Variants in ALKBH2 observed in about 807,000 individuals in gnomAD.
The protein encoded by ALKBH2 is alkB homolog 2, alpha-ketoglutarate dependent dioxygenase, also known as DNA oxidative demethylase ALKBH2.
In ALKBH2, 19 loss-of-function variants were observed where a neutral mutation model predicts 19.7. That is an observed-to-expected ratio of 0.97 (90% CI 0.67 to 1.42). ALKBH2 has a LOEUF of 1.42. Among genes scored for constraint, ALKBH2 ranks in the 40% most tolerant of loss-of-function variants. The pLI is 0.00. For missense variants in ALKBH2, 310 were observed against 328.5 expected (o/e 0.94, Z 0.43); for synonymous variants, 135 against 131.2 (o/e 1.03, Z -0.20).
chr12:109,089,211 A>G (rs180966408), intron 3 of ALKBH2, among the ~76,000 whole-genome samples: 26 of 152,334 alleles, frequency 1.7e-4, no homozygotes, highest in Admixed American at 1.2e-3. Context: ...GCCATCCTGC[A>G]GCATTTTTGC....
intron 2 of ALKBH2, 146 bp from the exon 3 acceptor site, chr12:109,090,353 G>A (rs2042043446): frequency 1.5e-6 from 1 of 687,474 alleles, no homozygotes; most frequent in East Asian, 2.7e-5. Flanking sequence ...GGGAAGTAAG[G>A]AATAACATTT....
Position 109,088,564 on chromosome 12 carries a change from C to CG in ALKBH2, c.480-53_480-52insC. On this transcript the variant is annotated intron_variant, in intron 3 of 3. Transcript: ENST00000429722. This position sits in a 1 kb window ranked among gnomAD's most constrained non-coding sequence, Gnocchi z 4.2. The stretch of plus-strand genomic sequence containing the variant: ...ATAAAAACAACCCTCTCCTGAAACT[C>CG]ACCAGCACCGCCAGCCCTCGTTTTC... The CG allele has an allele frequency of 6.7e-7, 1 of 1,502,796 alleles. No homozygotes were observed. The allele number at this position is 1,502,796 out of a possible 1,614,324, so 93.1% of individuals were successfully genotyped here.
At position 109,090,158 on chromosome 12, in the gene ALKBH2, C is replaced by T; in HGVS notation, c.330G>A (p.Arg110=). Residue 110 remains arginine, a synonymous_variant, in exon 3 of 4, where the codon AGG becomes AGA. Transcript: ENST00000429722. The part of the protein sequence containing the change: ...QVFGKWHSVP[R]KQATYGDAGL... ...CAGCGTCGCCATACGTTGCCTGCTT[C>T]CTGGGCACACTGTGCCACTTCCCGA... The T allele has an allele frequency of 6.2e-7, 1 of 1,614,142 alleles. No individual in the cohort carries two copies. Among genetic ancestry groups the T allele is most frequent in the Non-Finnish European group, 8.5e-7 (1 of 1,180,042 alleles).
At chr12:109,090,536 TC>T (rs1159027695) in intron 2 of ALKBH2, among the ~76,000 whole-genome samples, 1 of 152,110 alleles carries the variant, frequency 6.6e-6, no homozygotes, top group Non-Finnish European at 1.5e-5. Flanking sequence ...CCAGCAATCC[TC>T]CCGCATCAGC....
Position 109,090,091 on chromosome 12 carries a change from G to A in ALKBH2, c.397C>T (p.Pro133Ser), listed in dbSNP as rs1215498639. 1 of 1,614,190 alleles carries A rather than the reference G, an allele frequency of 6.2e-7. No homozygotes were observed. The highest frequency in any genetic ancestry group is 1.1e-5 in the South Asian group (1 of 91,084). The change falls in exon 3 of 4, where the codon CCC (proline) becomes TCC (serine). Residue 133 changes from proline to serine, a missense_variant. Pro to Ser is a moderately conservative substitution (Grantham distance 74). Transcript: ENST00000429722. ...TFSGLTLSPK[P>S]WIPVLERIRD... is the part of the protein sequence containing the mutation. ...ATGCGCTCTAGAACTGGGATCCAGGGCTTTGGAGACAGCGTGAGGCCTGAA... is the reference window on the plus strand; with the variant it reads ...ATGCGCTCTAGAACTGGGATCCAGGACTTTGGAGACAGCGTGAGGCCTGAA...
intron 2 of ALKBH2, among the ~76,000 whole-genome samples, chr12:109,091,620 C>G (rs1398510613): frequency 2.6e-5 from 4 of 152,176 alleles, no homozygotes. Context: ...TCACTGCAAC[C>G]TCTGCCTCCC....
In ALKBH2 at chr12:109,092,743, C is replaced by T; in HGVS notation, c.44G>A (p.Arg15Lys). 6.2e-7 allele frequency: 1 copy of T among 1,614,040 alleles called. No homozygotes were observed. Residue 15 changes from arginine to lysine, a missense_variant, in exon 2 of 4, where the codon AGG (arginine) becomes AAG (lysine). Arg to Lys is a conservative substitution (Grantham distance 26, BLOSUM62 2). Transcript: ENST00000429722. ...LVKGAQGGLL[R>K]KQEEQEPTGE... Reference sequence around the variant, plus strand: ...AGTTGGCTCTTGCTCCTCCTGCTTCCTCAAAAGGCCCCCTTGAGCCCCTTT... The same window carrying T: ...AGTTGGCTCTTGCTCCTCCTGCTTCTTCAAAAGGCCCCCTTGAGCCCCTTT...
rs758430336 is a variant in ALKBH2 at position 109,092,487 on chromosome 12, A to ACG, written c.280+19_280+20insCG. 2.6e-6 allele frequency: 4 copies of ACG among 1,545,878 alleles called. No homozygotes were observed. In the South Asian group the frequency reaches 5.0e-5, roughly 19 times the overall value. On this transcript the variant is annotated intron_variant, in intron 2 of 3. Transcript: ENST00000429722. Reference sequence around the variant, plus strand: ...AAGCCCTCAATGCACACACACACACACACACACCCCTCTGCTTACCTGTAA... The same window carrying ACG: ...AAGCCCTCAATGCACACACACACACACGCACACACCCCTCTGCTTACCTGTAA...
At chr12:109,090,309 C>T (rs1396835016) in intron 2 of ALKBH2, 102 bp from the exon 3 acceptor site, 2 of 913,390 alleles carry the variant, frequency 2.2e-6, no homozygotes, top group Non-Finnish European at 3.5e-6. Context: ...TCCAGTGCCC[C>T]ACATACATGC....
intron 2 of ALKBH2, among the ~76,000 whole-genome samples, chr12:109,090,413 T>C (rs1410848477): frequency 1.4e-4 from 22 of 152,192 alleles, no homozygotes; most frequent in Admixed American, 1.4e-3. Flanking sequence ...CATTTTGGCT[T>C]GCCCCAAATT....
intron 2 of ALKBH2, 177 bp downstream of exon 2, chr12:109,092,330 T>A (rs1325874682): frequency 1.0e-6 from 1 of 964,060 alleles, no homozygotes; most frequent in East Asian, 3.2e-5. Context: ...CAAGTTTATG[T>A]CCCAAGCACC....
chr12:109,092,523 T>G lies in ALKBH2; in HGVS notation c.264A>C (p.Glu88Asp). 1 of 1,587,960 alleles carries G rather than the reference T, an allele frequency of 6.3e-7. No individual in the cohort carries two copies. Among genetic ancestry groups the G allele is most frequent in the East Asian group, 2.2e-5 (1 of 44,576 alleles). Residue 88 changes from glutamate to aspartate, a missense_variant, in exon 2 of 4, where the codon GAA becomes GAC. Physicochemically the swap from Glu to Asp is conservative, Grantham distance 45. Transcript: ENST00000429722. ...ADEIFQELEK[E>D]VEYFTGALAR... ...TCTGCTTACCTGTAAAATATTCTACTTCTTTCTCCAACTCTTGGAAAATCT... is the reference window on the plus strand; with the variant it reads ...TCTGCTTACCTGTAAAATATTCTACGTCTTTCTCCAACTCTTGGAAAATCT...
chr12:109,088,356 C>T lies in ALKBH2; in HGVS notation c.636G>A (p.Ala212=), dbSNP rs760684880. ...CGTGGGCCAGCGGCAGCCTGACCAC[C>T]GCCACCCTCCTGGAGGGGCTTTTCC... ...SRGKSPSRRV[A]VVRLPLAHGS... Residue 212 remains alanine (A), a synonymous_variant, in exon 4 of 4, where the codon GCG becomes GCA. Coordinates refer to ENST00000429722, the MANE Select transcript of ALKBH2 (RefSeq NM_001145374.2). This position sits in a 1 kb window ranked among gnomAD's most constrained non-coding sequence, Gnocchi z 4.2. 37 of 1,613,916 alleles carry T rather than the reference C, an allele frequency of 2.3e-5. No homozygotes were observed. Among genetic ancestry groups the T allele is most frequent in the Admixed American group, 6.7e-5 (4 of 59,978 alleles).
Position 109,092,539 on chromosome 12 carries a change from T to C in ALKBH2, c.248A>G (p.Gln83Arg). The change falls in exon 2 of 4, where the codon CAA becomes CGA. Residue 83 changes from glutamine (Q) to arginine (R), a missense_variant. Gln to Arg is a conservative substitution (Grantham distance 43). Transcript: ENST00000429722. ...FGKAEADEIF[Q>R]ELEKEVEYFT... is the part of the protein sequence containing the mutation. ...ATATTCTACTTCTTTCTCCAACTCT[T>C]GGAAAATCTCATCTGCCTCAGCTTT... 1 of 1,600,150 alleles carries C rather than the reference T, an allele frequency of 6.2e-7. No homozygotes were observed. The highest frequency in any genetic ancestry group is 1.3e-5 in the African/African-American group (1 of 74,528).
At position 109,088,406 on chromosome 12, in the gene ALKBH2, C is replaced by CGG; in HGVS notation, c.585_586insCC (p.Val196ProfsTer30). 6.2e-7 allele frequency: 1 copy of CGG among 1,613,926 alleles called. No individual in the cohort carries two copies. The highest frequency in any genetic ancestry group is 8.5e-7 in the Non-Finnish European group (1 of 1,179,974). On this transcript the variant is annotated frameshift_variant, in exon 4 of 4. Coordinates refer to ENST00000429722, the MANE Select transcript of ALKBH2 (RefSeq NM_001145374.2). LOFTEE classifies it high-confidence loss of function. The surrounding 1 kb of genome is among the most constrained non-coding windows in gnomAD (Gnocchi z 4.2). ...CCACGGGAATCCTTATGCCGGAAGA[C>CGG]AAAGTCTCTGCAGGCACCGAAGGAG...
In ALKBH2 at chr12:109,090,338, T is replaced by C. The variant is rs1040787123; in HGVS notation, c.281-131A>G. On this transcript the variant is annotated intron_variant, in intron 2 of 3. Transcript: ENST00000429722. ...TACATGCTCCCTGGGTATTCAAGAT[T>C]GAAAGGGAAGTAAGGAATAACATTT... 4.1e-6 allele frequency: 3 copies of C among 729,598 alleles called. No individual in the cohort carries two copies. The East Asian group carries it at 8.1e-5, about 20-fold the overall frequency. The allele number at this position is 729,598 out of a possible 1,614,324, so 45.2% of individuals were successfully genotyped here. A position where few individuals can be genotyped will look rare whatever the true frequency, so the allele number is the denominator to read the frequency against.
rs200002591 is a variant in ALKBH2, at chr12:109,090,227, C to T, written c.281-20G>A. ...GTGCTCCTGTGCAGAGGAAACATGG[C>T]AGTTCCTTTCTACCTGACCCCCATC... On this transcript the variant is annotated intron_variant, in intron 2 of 3. Transcript: ENST00000429722. 4 of 1,608,792 alleles carry T rather than the reference C, an allele frequency of 2.5e-6. No homozygotes were observed. The highest frequency in any genetic ancestry group is 4.5e-5 in the East Asian group (2 of 44,878).
chr12:109,090,223 A>G lies in ALKBH2; in HGVS notation c.281-16T>C. On this transcript the variant is annotated splice_polypyrimidine_tract_variant and intron_variant, in intron 2 of 3. Transcript: ENST00000429722. ...GCCAGTGCTCCTGTGCAGAGGAAAC[A>G]TGGCAGTTCCTTTCTACCTGACCCC... 1 of 1,610,676 alleles carries G rather than the reference A, an allele frequency of 6.2e-7. No individual in the cohort carries two copies. Among genetic ancestry groups the G allele is most frequent in the Non-Finnish European group, 8.5e-7 (1 of 1,179,574 alleles).
intron 2 of ALKBH2, chr12:109,092,275 C>T (rs889801624): frequency 4.3e-5 from 22 of 509,460 alleles, no homozygotes; most frequent in Middle Eastern, 5.5e-4. Flanking sequence ...GAGATTCACT[C>T]GAGTCATCTG....
Sources: allele counts gnomAD v4.1 joint callset (sites outside exome capture counted in the v4.1 genomes callset), GRCh38; gene constraint gnomAD v4.1.1; non-coding constraint Gnocchi (gnomAD v3.1); transcripts MANE v1.5; gene names NCBI Gene and HGNC (gene_info 2026-07-23, HGNC 2026-07-21).